ARHGEF3: variants seen among roughly 807,000 people sequenced by gnomAD.
ARHGEF3 encodes Rho guanine nucleotide exchange factor 3.
A neutral mutation model predicts 63.2 loss-of-function variants in ARHGEF3; 28 were observed. That is an observed-to-expected ratio of 0.44 (90% confidence interval 0.33 to 0.61). ARHGEF3 has a LOEUF of 0.61. ARHGEF3 is among the 20% of genes least tolerant of loss of function. The pLI is 0.03. For synonymous variants in ARHGEF3, 266 were observed against 254.2 expected (o/e 1.05, Z -0.44); for missense variants, 533 against 659.3 (o/e 0.81, Z 2.10).
At chr3:56,848,517 T>C (rs2039564393) in intron 4 of ARHGEF3, among the ~76,000 whole-genome samples, 1 of 152,142 alleles carries the variant, frequency 6.6e-6, no homozygotes, top group African/African-American at 2.4e-5. Flanking sequence ...CTGGTACTAT[T>C]CCTGAAAAAT....
intron 1 of ARHGEF3, among the ~76,000 whole-genome samples, chr3:57,047,018 C>T (rs1295113865): frequency 6.6e-6 from 1 of 152,114 alleles, no homozygotes; most frequent in Non-Finnish European, 1.5e-5. Context: ...AAAACATTTA[C>T]AACAGAGAAA....
At chr3:56,967,870 A>ATATAATATATAATGACATATTATATATT (rs1560092874) in intron 2 of ARHGEF3, among the ~76,000 whole-genome samples, 1 of 69,374 alleles carries the variant, frequency 1.4e-5, no homozygotes, top group Admixed American at 3.0e-4. Context: ...TGACATATAT[A>ATATAATATATAATGACATATTATATATT]ATATATAATA....
chr3:56,731,012 G>C (rs1034070449), intron 9 of ARHGEF3, among the ~76,000 whole-genome samples: 4 of 152,140 alleles, frequency 2.6e-5, no homozygotes, highest in Non-Finnish European at 5.9e-5. Context: ...ACTTTATATG[G>C]TTGTTATGAG....
intron 3 of ARHGEF3, among the ~76,000 whole-genome samples, chr3:56,891,205 A>G (rs71309983): frequency 6.7e-6 from 1 of 149,888 alleles, no homozygotes; most frequent in African/African-American, 2.5e-5. Context: ...AAAAATAGAG[A>G]CGAGATCTCC....
chr3:56,775,649 C>G, intron 1 of ARHGEF3: 1 of 985,756 alleles, frequency 1.0e-6, no homozygotes, highest in Non-Finnish European at 1.2e-6. Flanking sequence ...GATCTGACAG[C>G]TCTTCTGCTT....
intron 2 of ARHGEF3, among the ~76,000 whole-genome samples, chr3:57,017,132 G>A (rs918479719): frequency 4.6e-5 from 7 of 151,880 alleles, no homozygotes; most frequent in Admixed American, 2.0e-4. Context: ...ACTCAAAGGT[G>A]AGGATTAAGT....
chr3:56,980,203 A>C (rs182579952), intron 2 of ARHGEF3, among the ~76,000 whole-genome samples: 1 of 152,246 alleles, frequency 6.6e-6, no homozygotes, highest in South Asian at 2.1e-4. Context: ...CTTATGCCAC[A>C]TTGTGAAAAT....
At chr3:56,998,454 GA>G (rs1702073690) in intron 2 of ARHGEF3, among the ~76,000 whole-genome samples, 1 of 151,244 alleles carries the variant, frequency 6.6e-6, no homozygotes, top group Non-Finnish European at 1.5e-5. Context: ...ACACTGGCTG[GA>G]CCTTGGTTCA....
At chr3:56,829,358 A>C (rs879687095) in intron 4 of ARHGEF3, among the ~76,000 whole-genome samples, 126 of 151,864 alleles carry the variant, frequency 8.3e-4, no homozygotes, top group Non-Finnish European at 1.5e-3. Flanking sequence ...GGCTTTTCTC[A>C]CCTCCTGGAA....
intron 1 of ARHGEF3, among the ~76,000 whole-genome samples, chr3:57,051,161 A>G (rs576489006): frequency 6.6e-6 from 1 of 152,242 alleles, no homozygotes; most frequent in Non-Finnish European, 1.5e-5. Context: ...CTTCTGGTAC[A>G]TACTATGAGT....
At chr3:56,967,625 TATATA>T (rs1369122790) in intron 2 of ARHGEF3, among the ~76,000 whole-genome samples, 3 of 86,182 alleles carry the variant, frequency 3.5e-5, no homozygotes, top group Non-Finnish European at 6.0e-5. Context: ...TAATATATAT[TATATA>T]ATATATATTA....
At chr3:56,955,592 G>A (rs574691107) in intron 3 of ARHGEF3, among the ~76,000 whole-genome samples, 2 of 152,308 alleles carry the variant, frequency 1.3e-5, no homozygotes, top group East Asian at 3.9e-4. Context: ...TGGAAAATTT[G>A]CTAGCATAGA....
At chr3:56,835,708 A>C (rs1030435640) in intron 4 of ARHGEF3, among the ~76,000 whole-genome samples, 3 of 152,152 alleles carry the variant, frequency 2.0e-5, no homozygotes, top group African/African-American at 7.2e-5. Flanking sequence ...AAGACTTAAA[A>C]TGCACCACCT....
chr3:57,018,566 G>C (rs1424590423), intron 2 of ARHGEF3, among the ~76,000 whole-genome samples: 2 of 152,186 alleles, frequency 1.3e-5, no homozygotes, highest in African/African-American at 4.8e-5. Context: ...TCTGGCTCCA[G>C]AGCTGTGTTC....
chr3:56,848,018 G>T (rs1396241048), intron 4 of ARHGEF3, among the ~76,000 whole-genome samples: 1 of 152,164 alleles, frequency 6.6e-6, no homozygotes, highest in Non-Finnish European at 1.5e-5. Flanking sequence ...GAGACATCAC[G>T]ACTACAATAA....
At chr3:57,020,578 G>C (rs13314432) in intron 2 of ARHGEF3, among the ~76,000 whole-genome samples, 4,085 of 152,292 alleles carry the variant, frequency 0.027, 174 homozygotes, top group African/African-American at 0.093. Context: ...AGCTCTGCTG[G>C]AACAAGTGGG....
intron 2 of ARHGEF3, among the ~76,000 whole-genome samples, chr3:56,980,887 C>T (rs1250251781): frequency 2.6e-5 from 4 of 152,248 alleles, no homozygotes; most frequent in Non-Finnish European, 5.9e-5. Flanking sequence ...GACTGCACTA[C>T]CCACCTCAAT....
chr3:56,776,416 G>T (rs769328990), intron 1 of ARHGEF3, among the ~76,000 whole-genome samples: 3 of 152,208 alleles, frequency 2.0e-5, no homozygotes, highest in African/African-American at 4.8e-5. Flanking sequence ...GTTGCTGTGT[G>T]ATTTAGTGCT....
chr3:57,069,241 C>T (rs1705742043), intron 1 of ARHGEF3, among the ~76,000 whole-genome samples: 1 of 152,068 alleles, frequency 6.6e-6, no homozygotes, highest in South Asian at 2.1e-4. Flanking sequence ...ATTTTGAAGA[C>T]CTCAAAACAT....
Sources: allele counts gnomAD v4.1 joint callset (sites outside exome capture counted in the v4.1 genomes callset), GRCh38; gene constraint gnomAD v4.1.1; transcripts MANE v1.5; gene names NCBI Gene and HGNC (gene_info 2026-07-23, HGNC 2026-07-21).